The following FAM149B1 variants were observed in gnomAD, a reference collection of about 807,000 sequenced individuals.
The protein encoded by FAM149B1 is primary cilium assembly protein FAM149B1.
In FAM149B1, 56 loss-of-function variants were observed where a neutral mutation model predicts 75.3. The ratio of observed to expected loss-of-function variants is 0.74; its 90% CI spans 0.60 to 0.93. The LOEUF is 0.93. Ranked by LOEUF, FAM149B1 falls within the 40% of genes least tolerant of loss-of-function variation. The probability of loss-of-function intolerance (pLI) is 0.00; values close to 1 mark genes in which losing one functional copy is unlikely to be tolerated. For missense variants in FAM149B1, 639 were observed against 708.4 expected (o/e 0.90, Z 1.11); for synonymous variants, 259 against 256.1 (o/e 1.01, Z -0.11).
rs2043973843 is a variant in FAM149B1 at position 73,243,233 on chromosome 10, T to C, written c.*2214T>C. Reference sequence around the variant, plus strand: ...ATGTCAAGTGCTTTCTAGGAAATACTAAGATCAGGTTGAGAGATTCTGCTT... The same window carrying C: ...ATGTCAAGTGCTTTCTAGGAAATACCAAGATCAGGTTGAGAGATTCTGCTT... On this transcript the variant is annotated 3_prime_UTR_variant, in exon 14 of 14. Coordinates refer to ENST00000242505, the MANE Select transcript of FAM149B1 (RefSeq NM_173348.2). The C allele has an allele frequency of 2.9e-6, 2 of 688,022 alleles. No homozygotes were observed. The highest frequency in any genetic ancestry group is 5.4e-5 in the Admixed American group (2 of 36,738). The allele number at this position is 688,022 out of a possible 1,614,324, so 42.6% of individuals were successfully genotyped here.
chr10:73,215,522 A>C (rs961970865), intron 7 of FAM149B1, among the ~76,000 whole-genome samples: 21 of 152,128 alleles, frequency 1.4e-4, no homozygotes, highest in Admixed American at 7.2e-4. Flanking sequence ...ATGCCCAGCC[A>C]TCTTTCTACT....
intron 12 of FAM149B1, 181 bp from the exon 13 acceptor site, chr10:73,239,131 G>A (rs940156577): frequency 5.7e-6 from 3 of 526,220 alleles, no homozygotes; most frequent in Non-Finnish European, 6.8e-6. Flanking sequence ...GGCTTTGTGG[G>A]CATCTGGCTT....
At chr10:73,174,561 G>C (rs1042578586) in intron 1 of FAM149B1, 126 bp from the exon 2 acceptor site, 13 of 606,820 alleles carry the variant, frequency 2.1e-5, no homozygotes, top group African/African-American at 1.8e-4. Flanking sequence ...TTTAATCACT[G>C]GTGGCTACCA....
At chr10:73,194,585 G>C (rs187648662) in intron 5 of FAM149B1, among the ~76,000 whole-genome samples, 2 of 151,672 alleles carry the variant, frequency 1.3e-5, no homozygotes, top group Non-Finnish European at 2.9e-5. Flanking sequence ...GGCTGGTTTC[G>C]AACTCCTGAC....
At chr10:73,183,033 C>T (rs1043433305) in intron 3 of FAM149B1, among the ~76,000 whole-genome samples, 2 of 152,102 alleles carry the variant, frequency 1.3e-5, no homozygotes, top group African/African-American at 4.8e-5. Flanking sequence ...GTCTCCCTGC[C>T]TGGGGACAAT....
intron 1 of FAM149B1, among the ~76,000 whole-genome samples, chr10:73,169,617 T>G (rs918233635): frequency 6.6e-6 from 1 of 151,934 alleles, no homozygotes; most frequent in Non-Finnish European, 1.5e-5. Context: ...CCACCACAAC[T>G]GGCTAATTAA....
At chr10:73,197,563 A>G (rs1327046617) in intron 5 of FAM149B1, among the ~76,000 whole-genome samples, 1 of 152,056 alleles carries the variant, frequency 6.6e-6, no homozygotes, top group Non-Finnish European at 1.5e-5. Flanking sequence ...TAAGGTCAGG[A>G]GTTTGAGACC....
At chr10:73,204,589 C>A (rs2043007854) in intron 5 of FAM149B1, among the ~76,000 whole-genome samples, 1 of 151,938 alleles carries the variant, frequency 6.6e-6, no homozygotes, top group Non-Finnish European at 1.5e-5. Flanking sequence ...CCAGAGTAAA[C>A]CCACTGAAAC....
At position 73,192,660 on chromosome 10, in the gene FAM149B1, A is replaced by G; in HGVS notation, c.387A>G (p.Glu129=). The change falls in exon 4 of 14, where the codon GAA becomes GAG. Residue 129 remains glutamate (E), a synonymous_variant. Transcript: ENST00000242505. ...GTGTGCATACCAAGAGTCTACAAGA[A>G]GAGTGCCAACAGTGGACAGCTAGCT... ...KLSVHTKSLQ[E]ECQQWTASFP... 1 of 1,551,014 alleles carries G rather than the reference A, an allele frequency of 6.4e-7. No homozygotes were observed. Among genetic ancestry groups the G allele is most frequent in the Non-Finnish European group, 8.7e-7 (1 of 1,146,890 alleles).
chr10:73,176,402 CT>C (rs1843966645), intron 2 of FAM149B1, among the ~76,000 whole-genome samples: 1 of 152,176 alleles, frequency 6.6e-6, no homozygotes, highest in African/African-American at 2.4e-5. Flanking sequence ...TTCGGGACCC[CT>C]GTCTCATAGG....
In FAM149B1 at chr10:73,242,465, CTG is replaced by C. The variant is rs2043965768; in HGVS notation, c.*1452_*1453del. 1 of 152,206 alleles carries C rather than the reference CTG, an allele frequency of 6.6e-6. No individual in the cohort carries two copies. The highest frequency in any genetic ancestry group is 1.5e-5 in the Non-Finnish European group (1 of 68,042). 9.4% of individuals were successfully genotyped at this position (152,206 alleles called of 1,614,324 possible). On this transcript the variant is annotated 3_prime_UTR_variant, in exon 14 of 14. Coordinates refer to ENST00000242505, the MANE Select transcript of FAM149B1 (RefSeq NM_173348.2). ...AGTCATTTAGCCCAATTCCCTCACC[CTG>C]TGTGTTTTCCCTCAAAGCCAGTGCA...
intron 3 of FAM149B1, among the ~76,000 whole-genome samples, chr10:73,185,930 A>T (rs1172307591): frequency 6.6e-6 from 1 of 152,220 alleles, no homozygotes; most frequent in Non-Finnish European, 1.5e-5. Flanking sequence ...AAGAAAGAAC[A>T]GTTCCTACCT....
At chr10:73,236,711 C>CT (rs576371533) in intron 12 of FAM149B1, among the ~76,000 whole-genome samples, 4 of 148,876 alleles carry the variant, frequency 2.7e-5, no homozygotes, top group African/African-American at 9.9e-5. Context: ...TGTACCCGGC[C>CT]TTTTTTTTCT....
In FAM149B1 at chr10:73,232,958, C is replaced by G; in HGVS notation, c.1147C>G (p.Leu383Val). 3.2e-6 allele frequency: 5 copies of G among 1,550,482 alleles called. No homozygotes were observed. Among genetic ancestry groups the G allele is most frequent in the Non-Finnish European group, 4.4e-6 (5 of 1,145,516 alleles). The part of the protein sequence containing the change: ...DKLLDLDDKL[L>V]MRPGSSTILS... Reference sequence around the variant, plus strand: ...TACTAGAGATCTTGATGACAAGCTACTTATGAGGCCTGGGTCCAGTACCAT... The same window carrying G: ...TACTAGAGATCTTGATGACAAGCTAGTTATGAGGCCTGGGTCCAGTACCAT... Residue 383 changes from leucine (L) to valine (V), a missense_variant, in exon 10 of 14, where the codon CTT (leucine) becomes GTT (valine). Leu to Val is a conservative substitution (Grantham distance 32). Coordinates refer to ENST00000242505, the MANE Select transcript of FAM149B1 (RefSeq NM_173348.2).
intron 4 of FAM149B1, among the ~76,000 whole-genome samples, chr10:73,193,078 A>C (rs1049746468): frequency 1.3e-5 from 2 of 152,228 alleles, no homozygotes; most frequent in African/African-American, 4.8e-5. Flanking sequence ...CAGAAACTGC[A>C]GTAGTACCAC....
At chr10:73,168,509 C>A in intron 1 of FAM149B1, 123 bp downstream of exon 1, 1 of 1,184,030 alleles carries the variant, frequency 8.4e-7, no homozygotes, top group Non-Finnish European at 1.2e-6. Flanking sequence ...TCGGAATTCT[C>A]TCCTCTCAGC....
intron 7 of FAM149B1, among the ~76,000 whole-genome samples, chr10:73,212,426 G>T (rs980249733): frequency 1.3e-5 from 2 of 152,050 alleles, no homozygotes; most frequent in Non-Finnish European, 2.9e-5. Flanking sequence ...GATTACAGGT[G>T]TGCACCATCA....
chr10:73,233,862 C>G (rs2043764085), intron 10 of FAM149B1, among the ~76,000 whole-genome samples: 1 of 152,164 alleles, frequency 6.6e-6, no homozygotes, highest in African/African-American at 2.4e-5. Flanking sequence ...TTCTTCTGTA[C>G]CATTGGGATC....
chr10:73,210,393 T>C lies in FAM149B1; in HGVS notation c.853T>C (p.Cys285Arg), dbSNP rs2043160728. The C allele has an allele frequency of 6.5e-7, 1 of 1,550,238 alleles. No homozygotes were observed. Among genetic ancestry groups the C allele is most frequent in the South Asian group, 1.2e-5 (1 of 83,652 alleles). Residue 285 changes from cysteine to arginine, a missense_variant, in exon 7 of 14, where the codon TGT becomes CGT. Transcript: ENST00000242505. The part of the protein sequence containing the change: ...FDSVWCKVVS[C>R]MEQLTRSHWE... ...CAGTGTATGGTGCAAGGTTGTGAGC[T>C]GTATGGAGCAGTTGACACGTAGTCA...
Sources: allele counts gnomAD v4.1 joint callset (sites outside exome capture counted in the v4.1 genomes callset), GRCh38; gene constraint gnomAD v4.1.1; transcripts MANE v1.5; gene names NCBI Gene and HGNC (gene_info 2026-07-23, HGNC 2026-07-21).